Variants in CSMD1 observed in about 807,000 individuals in gnomAD.
The protein encoded by CSMD1 is CUB and Sushi multiple domains 1.
In CSMD1, 213 loss-of-function variants were observed where a neutral mutation model predicts 417.5. The observed-to-expected ratio is 0.51, with a 90% CI of 0.46 to 0.57. The LOEUF is 0.57. Among genes scored for constraint, CSMD1 ranks in the 20% least tolerant of loss-of-function variants. CSMD1 has a pLI of 0.00. For missense variants in CSMD1, 6,923 were observed against 4,529.7 expected (o/e 1.53, Z -15.17); for synonymous variants, 2,862 against 1,736.8 (o/e 1.65, Z -16.11).
chr8:3,465,562 G>A (rs1816750898), intron 12 of CSMD1, among the ~76,000 whole-genome samples: 2 of 152,100 alleles, frequency 1.3e-5, no homozygotes, highest in African/African-American at 4.8e-5. Flanking sequence ...AGAGACAACA[G>A]TGCCCAAGGT....
intron 26 of CSMD1, among the ~76,000 whole-genome samples, chr8:3,265,596 C>G (rs571775052): frequency 5.3e-5 from 8 of 152,318 alleles, no homozygotes; most frequent in African/African-American, 1.9e-4. Flanking sequence ...AAGAAATAAT[C>G]TGTCAGGAAC....
intron 1 of CSMD1, among the ~76,000 whole-genome samples, chr8:4,821,793 A>G (rs1305018997): frequency 6.6e-6 from 1 of 152,078 alleles, no homozygotes; most frequent in Non-Finnish European, 1.5e-5. Flanking sequence ...CTCTCTAGCA[A>G]TTGGGTACGT....
chr8:3,922,669 C>G (rs533857923), intron 5 of CSMD1, among the ~76,000 whole-genome samples: 36 of 152,178 alleles, frequency 2.4e-4, no homozygotes, highest in South Asian at 1.0e-3. Context: ...TTTAATTGTG[C>G]TTTTCATCCA....
At chr8:3,352,603 C>T (rs1425941030) in intron 21 of CSMD1, among the ~76,000 whole-genome samples, 1 of 152,032 alleles carries the variant, frequency 6.6e-6, no homozygotes, top group African/African-American at 2.4e-5. Context: ...AGTTTGGGAG[C>T]GCGAGGCAGG....
intron 1 of CSMD1, among the ~76,000 whole-genome samples, chr8:4,815,330 G>C (rs1291153157): frequency 6.6e-6 from 1 of 152,158 alleles, no homozygotes; most frequent in Non-Finnish European, 1.5e-5. Flanking sequence ...CAAAAGGTAT[G>C]ACATCACAGT....
chr8:4,397,746 A>T (rs1045599514), intron 3 of CSMD1, among the ~76,000 whole-genome samples: 2 of 152,128 alleles, frequency 1.3e-5, no homozygotes, highest in African/African-American at 4.8e-5. Context: ...ATATGTTTGA[A>T]TAACAAAGAC....
chr8:4,532,313 G>T (rs1796861799), intron 2 of CSMD1, among the ~76,000 whole-genome samples: 1 of 141,990 alleles, frequency 7.0e-6, no homozygotes, highest in Non-Finnish European at 1.5e-5. Context: ...CTCCAGAAAA[G>T]AAATCCTGCA....
intron 2 of CSMD1, among the ~76,000 whole-genome samples, chr8:4,580,144 G>C (rs1017126490): frequency 6.6e-6 from 1 of 152,180 alleles, no homozygotes; most frequent in Non-Finnish European, 1.5e-5. Flanking sequence ...ATGTGGCCCT[G>C]ACTGTACCAG....
chr8:3,857,292 A>T (rs956552071), intron 5 of CSMD1, among the ~76,000 whole-genome samples: 1 of 152,186 alleles, frequency 6.6e-6, no homozygotes, highest in Non-Finnish European at 1.5e-5. Context: ...GGCCTTTAGC[A>T]TTAGGAGGGT....
intron 49 of CSMD1, among the ~76,000 whole-genome samples, chr8:3,062,359 T>C (rs1399677704): frequency 1.3e-5 from 2 of 152,164 alleles, no homozygotes; most frequent in Non-Finnish European, 2.9e-5. Context: ...CTGGTCACAC[T>C]GCTTTTCTTT....
At chr8:4,425,447 T>C (rs543568790) in intron 2 of CSMD1, among the ~76,000 whole-genome samples, 1 of 151,800 alleles carries the variant, frequency 6.6e-6, no homozygotes, top group Admixed American at 6.6e-5. Context: ...GTGGATCCAA[T>C]TGATCATAAA....
chr8:4,480,828 T>C (rs957139783), intron 2 of CSMD1, among the ~76,000 whole-genome samples: 2 of 152,188 alleles, frequency 1.3e-5, no homozygotes, highest in Admixed American at 6.5e-5. Flanking sequence ...GACTGCCACA[T>C]TCAGGTTTTG....
intron 1 of CSMD1, among the ~76,000 whole-genome samples, chr8:4,739,474 G>C (rs1201833209): frequency 2.0e-5 from 3 of 152,182 alleles, no homozygotes; most frequent in Non-Finnish European, 2.9e-5. Flanking sequence ...AATTGAATTT[G>C]TTGTAATGAT....
At chr8:3,391,251 C>A (rs1209983323) in intron 17 of CSMD1, among the ~76,000 whole-genome samples, 2 of 152,196 alleles carry the variant, frequency 1.3e-5, no homozygotes, top group African/African-American at 4.8e-5. Context: ...CCATGAATAA[C>A]ATGATATATC....
At chr8:3,994,608 T>G (rs1333983953) in intron 5 of CSMD1, among the ~76,000 whole-genome samples, 3 of 152,200 alleles carry the variant, frequency 2.0e-5, no homozygotes, top group Admixed American at 2.0e-4. Context: ...TGCATGAAAT[T>G]AGAATCCGAC....
At chr8:3,976,929 T>C (rs1344201087) in intron 5 of CSMD1, among the ~76,000 whole-genome samples, 3 of 152,308 alleles carry the variant, frequency 2.0e-5, no homozygotes, top group African/African-American at 4.8e-5. Context: ...TTACATAGTG[T>C]CTAGTACAGA....
intron 6 of CSMD1, among the ~76,000 whole-genome samples, chr8:3,743,925 A>C (rs1796937511): frequency 6.6e-6 from 1 of 152,170 alleles, no homozygotes; most frequent in Admixed American, 6.5e-5. Flanking sequence ...TTGTCACCTT[A>C]CATAAAAAAT....
chr8:4,131,458 T>G (rs1803098393), intron 3 of CSMD1, among the ~76,000 whole-genome samples: 1 of 152,196 alleles, frequency 6.6e-6, no homozygotes, highest in Non-Finnish European at 1.5e-5. Flanking sequence ...ACGATTAAAC[T>G]TCTTAAAAAA....
chr8:4,295,309 A>T (rs1336790922), intron 3 of CSMD1, among the ~76,000 whole-genome samples: 1 of 111,160 alleles, frequency 9.0e-6, no homozygotes, highest in Non-Finnish European at 2.1e-5. Flanking sequence ...TATCTATATA[A>T]TCTTAAGATT....
Sources: allele counts gnomAD v4.1 joint callset (sites outside exome capture counted in the v4.1 genomes callset), GRCh38; gene constraint gnomAD v4.1.1; transcripts MANE v1.5; gene names NCBI Gene and HGNC (gene_info 2026-07-23, HGNC 2026-07-21).